Variants in ZNF536 observed in about 807,000 individuals in gnomAD.
The protein encoded by ZNF536 is zinc finger protein 536.
Under a neutral mutation model 84.5 loss-of-function variants are expected in ZNF536, and 13 were observed. The observed-to-expected ratio is 0.15, with a 90% CI of 0.10 to 0.24. The LOEUF (loss-of-function observed/expected upper bound fraction) is 0.24, where lower values mean the gene tolerates loss of function less well. ZNF536 is among the 10% of genes least tolerant of loss of function. The pLI is 1.00. For missense variants in ZNF536, 1,536 were observed against 1,747.5 expected, an observed-to-expected ratio of 0.88 and a Z score of 2.16; for synonymous variants, 811 against 742.5, an observed-to-expected ratio of 1.09 and a Z score of -1.50.
chr19:30,565,917 T>G (rs2046331720), intron 1 of ZNF536, among the ~76,000 whole-genome samples: 1 of 152,058 alleles, frequency 6.6e-6, no homozygotes, highest in African/African-American at 2.4e-5. Context: ...ATAGCCCATC[T>G]CACAGATGAC....
intron 2 of ZNF536, among the ~76,000 whole-genome samples, chr19:30,511,170 G>T (rs565844539): frequency 7.9e-4 from 121 of 152,254 alleles, no homozygotes; most frequent in South Asian, 2.3e-3. Context: ...GTGGCTTGGC[G>T]AGGCTTTTTC....
chr19:30,309,766 AG>A (rs1244199018), intron 2 of ZNF536, among the ~76,000 whole-genome samples: 1 of 152,222 alleles, frequency 6.6e-6, no homozygotes, highest in East Asian at 1.9e-4. Flanking sequence ...AAGTTTATTA[AG>A]GGTGGAACAA....
chr19:30,361,906 G>GT (rs2048286477), intron 3 of ZNF536, among the ~76,000 whole-genome samples: 1 of 152,190 alleles, frequency 6.6e-6, no homozygotes, highest in Non-Finnish European at 1.5e-5. Context: ...AGGCTCCTGT[G>GT]TCCCTCTTGG....
intron 1 of ZNF536, among the ~76,000 whole-genome samples, chr19:30,700,238 T>TTC (rs141789281): frequency 4.8e-4 from 47 of 97,992 alleles, no homozygotes; most frequent in East Asian, 1.1e-3. Context: ...CTTTCTTTCT[T>TTC]TCTCTCTCTC....
chr19:30,651,136 C>G (rs1216243032), intron 1 of ZNF536, among the ~76,000 whole-genome samples: 1 of 152,224 alleles, frequency 6.6e-6, no homozygotes, highest in Admixed American at 6.5e-5. Flanking sequence ...TGGGAGTTGG[C>G]AGGTAGGGGA....
intron 1 of ZNF536, among the ~76,000 whole-genome samples, chr19:30,633,621 C>A (rs1384776640): frequency 6.6e-6 from 1 of 152,290 alleles, no homozygotes; most frequent in African/African-American, 2.4e-5. Context: ...AGTGAGAACA[C>A]CCAGTATTTG....
At chr19:30,609,877 T>C (rs563427227) in intron 1 of ZNF536, among the ~76,000 whole-genome samples, 3 of 149,584 alleles carry the variant, frequency 2.0e-5, no homozygotes, top group Admixed American at 6.7e-5. Context: ...CATTTATCCA[T>C]CCATCCATCC....
chr19:30,259,833 A>C (rs2025106536), intron 1 of ZNF536, among the ~76,000 whole-genome samples: 1 of 151,438 alleles, frequency 6.6e-6, no homozygotes, highest in South Asian at 2.1e-4. Context: ...GCTCACTGCA[A>C]CCTCCACCTC....
chr19:30,703,971 A>G (rs1568689283), intron 1 of ZNF536, among the ~76,000 whole-genome samples: 1 of 152,194 alleles, frequency 6.6e-6, no homozygotes, highest in Non-Finnish European at 1.5e-5. Context: ...AGAGGGAAGC[A>G]GTGGTAGGAA....
At chr19:30,474,005 C>T (rs1009007578) in intron 2 of ZNF536, among the ~76,000 whole-genome samples, 1 of 152,182 alleles carries the variant, frequency 6.6e-6, no homozygotes, top group Non-Finnish European at 1.5e-5. Flanking sequence ...AGATGATGTG[C>T]CTGGCCCATA....
chr19:30,261,169 G>A (rs1479864910), intron 1 of ZNF536, among the ~76,000 whole-genome samples: 1 of 149,816 alleles, frequency 6.7e-6, no homozygotes, highest in Non-Finnish European at 1.5e-5. Flanking sequence ...GTAGTGGCGG[G>A]CGCCTGTAGT....
intron 2 of ZNF536, among the ~76,000 whole-genome samples, chr19:30,330,849 A>C (rs1373653005): frequency 6.6e-6 from 1 of 152,202 alleles, no homozygotes; most frequent in Non-Finnish European, 1.5e-5. Context: ...TGCTTGAGCC[A>C]GCAGAGAGTT....
intron 2 of ZNF536, among the ~76,000 whole-genome samples, chr19:30,529,664 G>A (rs1293278483): frequency 2.6e-5 from 4 of 152,198 alleles, no homozygotes; most frequent in Non-Finnish European, 5.9e-5. Flanking sequence ...AGGAAGGTCT[G>A]TTGCCTGATG....
intron 2 of ZNF536, among the ~76,000 whole-genome samples, chr19:30,323,226 G>A (rs917784075): frequency 2.0e-5 from 3 of 152,154 alleles, no homozygotes; most frequent in Non-Finnish European, 2.9e-5. Flanking sequence ...GCAAACTCTC[G>A]GCTCCACTCA....
At chr19:30,470,946 C>T (rs1389795757) in intron 2 of ZNF536, among the ~76,000 whole-genome samples, 1 of 151,632 alleles carries the variant, frequency 6.6e-6, no homozygotes, top group Non-Finnish European at 1.5e-5. Context: ...CCTCAGCTTA[C>T]CAAAGTGCTG....
chr19:30,504,305 T>C (rs1422755475), intron 2 of ZNF536, among the ~76,000 whole-genome samples: 3 of 134,880 alleles, frequency 2.2e-5, no homozygotes, highest in Non-Finnish European at 4.8e-5. Flanking sequence ...CTTCCTTCCT[T>C]CCTCCCTCCC....
intron 2 of ZNF536, among the ~76,000 whole-genome samples, chr19:30,286,590 AAGAGAGAGAGAAGGAGAGAGAC>A (rs2045639934): frequency 1.5e-5 from 2 of 135,944 alleles, no homozygotes; most frequent in Middle Eastern, 3.5e-3. Flanking sequence ...CAGAGAGAGA[AAGAGAGAGAGAAGGAGAGAGAC>A]AGAGAGAGAG....
chr19:30,530,987 C>T (rs1488427141), intron 2 of ZNF536, among the ~76,000 whole-genome samples: 1 of 152,180 alleles, frequency 6.6e-6, no homozygotes, highest in South Asian at 2.1e-4. Context: ...AGCACTTGCT[C>T]CCCCAGCCTT....
At chr19:30,423,720 G>A (rs1476518913) in intron 1 of ZNF536, among the ~76,000 whole-genome samples, 7 of 152,246 alleles carry the variant, frequency 4.6e-5, no homozygotes, top group Non-Finnish European at 7.3e-5. Context: ...CCCAGACTGT[G>A]CGAAGAGCAT....
Sources: allele counts gnomAD v4.1 joint callset (sites outside exome capture counted in the v4.1 genomes callset), GRCh38; gene constraint gnomAD v4.1.1; transcripts MANE v1.5; gene names NCBI Gene and HGNC (gene_info 2026-07-23, HGNC 2026-07-21).